The following BMP5 variants were observed in gnomAD, a reference collection of about 807,000 sequenced individuals.
The protein encoded by BMP5 is bone morphogenetic protein 5.
In BMP5, 23 loss-of-function variants were observed where a neutral mutation model predicts 46.6. The observed-to-expected ratio is 0.49, with a 90% CI of 0.35 to 0.70. BMP5 has a LOEUF of 0.70. Among genes scored for constraint, BMP5 ranks in the 30% least tolerant of loss-of-function variants. BMP5 has a pLI of 0.00. For synonymous variants in BMP5, 204 were observed against 191.9 expected (o/e 1.06, Z -0.52); for missense variants, 545 against 565.6 (o/e 0.96, Z 0.37).
In BMP5 at chr6:55,840,239, A is replaced by G. The variant is rs73448113; in HGVS notation, c.491-20392T>C. 4.9e-3 allele frequency among the ~76,000 whole-genome samples: 753 copies of G among 152,162 alleles called. 13 individuals carry two copies. Among genetic ancestry groups the G allele is most frequent in the African/African-American group, 0.016 (677 of 41,530 alleles). On this transcript the variant is annotated intron_variant, in intron 1 of 6. Transcript: ENST00000370830. ...ATTCTGTGACCTTGCTGAATCCACT[A>G]ACTATTTTTCTTTTATTAATTGTGT...
chr6:55,769,250 T>C (rs1453654573), intron 4 of BMP5, among the ~76,000 whole-genome samples: 1 of 151,970 alleles, frequency 6.6e-6, no homozygotes, highest in East Asian at 1.9e-4. Flanking sequence ...GGTCTTCTTT[T>C]AAAATTGGAG....
chr6:55,759,021 G>A lies in BMP5; in HGVS notation c.1199C>T (p.Ala400Val), dbSNP rs1774686504. ...LNAHMNATNH[A>V]IVQTLVHLMF... ...AAAGCTTACCAGAGTCTGAACTATA[G>A]CGTGGTTGGTGGCATTCATATGGGC... Residue 400 changes from alanine (A) to valine (V), a missense_variant, in exon 6 of 7, where the codon GCT (alanine) becomes GTT (valine). Coordinates refer to ENST00000370830, the MANE Select transcript of BMP5 (RefSeq NM_021073.4). 6.2e-7 allele frequency: 1 copy of A among 1,604,772 alleles called. No homozygotes were observed. The highest frequency in any genetic ancestry group is 1.3e-5 in the African/African-American group (1 of 74,144).
At chr6:55,761,870 T>C (rs1774791877) in intron 4 of BMP5, among the ~76,000 whole-genome samples, 1 of 152,140 alleles carries the variant, frequency 6.6e-6, no homozygotes, top group African/African-American at 2.4e-5. Context: ...TGGCTCTGTT[T>C]TGCTCACTGA....
In BMP5 at chr6:55,874,535, C is replaced by T. The variant is rs1777858476; in HGVS notation, c.331G>A (p.Gly111Arg). The T allele has an allele frequency of 1.9e-6, 3 of 1,613,436 alleles. No individual in the cohort carries two copies. The highest frequency in any genetic ancestry group is 1.1e-5 in the South Asian group (1 of 91,074). ...GAGGCTGGGTATCCCTTTCTTGCCC[C>T]TCTGGTCTCTTCTGCCAAGGATGCC... is the stretch of plus-strand genomic sequence containing the variant. The part of the protein sequence containing the change: ...VRASLAEETR[G>R]ARKGYPASPN... Residue 111 changes from glycine (G) to arginine (R), a missense_variant, in exon 1 of 7, where the codon GGG becomes AGG. Transcript: ENST00000370830.
intron 1 of BMP5, among the ~76,000 whole-genome samples, chr6:55,829,831 T>C (rs887990520): frequency 1.3e-5 from 2 of 152,030 alleles, no homozygotes; most frequent in African/African-American, 4.8e-5. Context: ...TGATAATTTC[T>C]ATATTCTCAT....
At chr6:55,820,058 G>A (rs914350648) in intron 1 of BMP5, among the ~76,000 whole-genome samples, 9 of 152,028 alleles carry the variant, frequency 5.9e-5, no homozygotes, top group African/African-American at 1.7e-4. Flanking sequence ...TAACCTCTGC[G>A]GTTTTATACA....
At chr6:55,760,937 C>T (rs1466146220) in intron 4 of BMP5, among the ~76,000 whole-genome samples, 1 of 151,938 alleles carries the variant, frequency 6.6e-6, no homozygotes, top group Non-Finnish European at 1.5e-5. Context: ...TAACTTGTAA[C>T]ATCTTCCATG....
At chr6:55,831,645 T>TA (rs760466531) in intron 1 of BMP5, among the ~76,000 whole-genome samples, 1,874 of 141,144 alleles carry the variant, frequency 0.013, 16 homozygotes, top group African/African-American at 0.03. Context: ...CTTTAAAAAA[T>TA]AAAAAAAAAA....
intron 4 of BMP5, among the ~76,000 whole-genome samples, chr6:55,770,149 C>T (rs554060212): frequency 4.6e-5 from 7 of 152,030 alleles, no homozygotes; most frequent in African/African-American, 1.4e-4. Context: ...CAGCCATTGA[C>T]TCTTCTCTAG....
rs761436714 is a variant in BMP5, at chr6:55,755,268, C to T, written c.*265G>A. On this transcript the variant is annotated 3_prime_UTR_variant, in exon 7 of 7. Coordinates refer to ENST00000370830, the MANE Select transcript of BMP5 (RefSeq NM_021073.4). ...TTGAAATGGAATTGAATGGACTCAGCATAACCCATTGAAAATTATACTAGA... is the reference window on the plus strand; with the variant it reads ...TTGAAATGGAATTGAATGGACTCAGTATAACCCATTGAAAATTATACTAGA... 1 of 324,408 alleles carries T rather than the reference C, an allele frequency of 3.1e-6. No individual in the cohort carries two copies. Among genetic ancestry groups the T allele is most frequent in the Non-Finnish European group, 5.7e-6 (1 of 176,300 alleles). 20.1% of individuals were successfully genotyped at this position (324,408 alleles called of 1,614,324 possible).
At chr6:55,844,653 C>A (rs1073473) in intron 1 of BMP5, among the ~76,000 whole-genome samples, 10,900 of 151,710 alleles carry the variant, frequency 0.072, 431 homozygotes, top group Admixed American at 0.12. Context: ...AATACCAATG[C>A]TTTTTATTAA....
At chr6:55,845,220 G>A (rs562408324) in intron 1 of BMP5, among the ~76,000 whole-genome samples, 57 of 151,892 alleles carry the variant, frequency 3.8e-4, no homozygotes, top group Admixed American at 5.9e-4. Context: ...ATTTTTTGCC[G>A]AGAAATTTCA....
At chr6:55,804,709 G>A (rs1360709203) in intron 2 of BMP5, among the ~76,000 whole-genome samples, 1 of 152,090 alleles carries the variant, frequency 6.6e-6, no homozygotes, top group East Asian at 1.9e-4. Context: ...GCATTGAGGG[G>A]TGAATTAACT....
chr6:55,769,090 T>C (rs1414867844), intron 4 of BMP5, among the ~76,000 whole-genome samples: 1 of 151,984 alleles, frequency 6.6e-6, no homozygotes, highest in Non-Finnish European at 1.5e-5. Flanking sequence ...ACCTGCTGAC[T>C]GATCAGGTTG....
intron 1 of BMP5, among the ~76,000 whole-genome samples, chr6:55,845,521 C>T (rs1303520823): frequency 6.6e-6 from 1 of 151,972 alleles, no homozygotes; most frequent in African/African-American, 2.4e-5. Flanking sequence ...CTCCTACTAC[C>T]TTAAGATGTT....
At chr6:55,782,915 A>G (rs1221513849) in intron 3 of BMP5, among the ~76,000 whole-genome samples, 2 of 152,122 alleles carry the variant, frequency 1.3e-5, no homozygotes, top group Admixed American at 6.6e-5. Flanking sequence ...GCCTTGTCAC[A>G]CTACTAAAGT....
At position 55,874,477 on chromosome 6, in the gene BMP5, G is replaced by C. The variant is rs200167972; in HGVS notation, c.389C>G (p.Ser130Cys). 6.2e-7 allele frequency: 1 copy of C among 1,613,420 alleles called. No homozygotes were observed. The highest frequency in any genetic ancestry group is 1.7e-5 in the Admixed American group (1 of 59,894). ...CTGGGTGGTCAGAGGAGTCGTCCGA[G>C]ATAACTGTATGCGACGAGGATACCC... Reference protein sequence around the residue: ...PNGYPRRIQLSRTTPLTTQSP... With the variant: ...PNGYPRRIQLCRTTPLTTQSP... Residue 130 changes from serine (S) to cysteine (C), a missense_variant, in exon 1 of 7, where the codon TCT (serine) becomes TGT (cysteine). Coordinates refer to ENST00000370830, the MANE Select transcript of BMP5 (RefSeq NM_021073.4).
At chr6:55,760,600 A>G (rs2127515803) in intron 4 of BMP5, 67 bp from the exon 5 acceptor site, 3 of 1,378,640 alleles carry the variant, frequency 2.2e-6, no homozygotes, top group South Asian at 1.2e-5. Flanking sequence ...CTTTTGTGAG[A>G]TCACTGGTAA....
At chr6:55,757,772 A>C (rs542215106) in intron 6 of BMP5, among the ~76,000 whole-genome samples, 1 of 152,076 alleles carries the variant, frequency 6.6e-6, no homozygotes, top group African/African-American at 2.4e-5. Context: ...TATTTGCTTT[A>C]TCTTTCTGTT....
Sources: allele counts gnomAD v4.1 joint callset (sites outside exome capture counted in the v4.1 genomes callset), GRCh38; gene constraint gnomAD v4.1.1; transcripts MANE v1.5; gene names NCBI Gene and HGNC (gene_info 2026-07-23, HGNC 2026-07-21).